DLG2: variants seen among roughly 807,000 people sequenced by gnomAD.
DLG2 encodes disks large homolog 2.
In DLG2, 45 loss-of-function variants were observed where a neutral mutation model predicts 132.5. The ratio of observed to expected loss-of-function variants is 0.34; its 90% CI spans 0.27 to 0.44. DLG2 has a LOEUF of 0.44. DLG2 is among the 20% of genes least tolerant of loss of function. The pLI is 1.00. For missense variants in DLG2, 1,045 were observed against 1,196.9 expected (o/e 0.87, Z 1.87); for synonymous variants, 424 against 419.6 (o/e 1.01, Z -0.13).
At chr11:84,530,281 A>C (rs2099332795) in intron 7 of DLG2, among the ~76,000 whole-genome samples, 1 of 152,182 alleles carries the variant, frequency 6.6e-6, no homozygotes, top group Non-Finnish European at 1.5e-5. Context: ...ACAAAAACAA[A>C]ATTTGACAAA....
chr11:84,058,216 G>A (rs984067923), intron 11 of DLG2, among the ~76,000 whole-genome samples: 2 of 152,214 alleles, frequency 1.3e-5, no homozygotes, highest in South Asian at 2.1e-4. Context: ...TTTACTCAAA[G>A]AGTACAGTGA....
At chr11:84,200,156 G>A (rs2096573216) in intron 8 of DLG2, among the ~76,000 whole-genome samples, 1 of 151,996 alleles carries the variant, frequency 6.6e-6, no homozygotes, top group Admixed American at 6.6e-5. Context: ...TACTCGAAGG[G>A]AAGGAAAAAT....
intron 8 of DLG2, among the ~76,000 whole-genome samples, chr11:84,197,756 C>T (rs2096540933): frequency 6.6e-6 from 1 of 152,118 alleles, no homozygotes; most frequent in Non-Finnish European, 1.5e-5. Flanking sequence ...CAGGTATTCA[C>T]TCAATTAAGT....
intron 3 of DLG2, among the ~76,000 whole-genome samples, chr11:85,434,984 G>A (rs565368556): frequency 1.8e-4 from 27 of 152,124 alleles, no homozygotes; most frequent in African/African-American, 4.8e-4. Flanking sequence ...CAATCAAGTC[G>A]GCTTCATCCC....
intron 6 of DLG2, among the ~76,000 whole-genome samples, chr11:84,703,812 A>C (rs571613203): frequency 5.1e-4 from 74 of 144,866 alleles, no homozygotes; most frequent in African/African-American, 1.9e-3. Context: ...TAATATTTTT[A>C]GTGTCTTCTT....
intron 6 of DLG2, among the ~76,000 whole-genome samples, chr11:84,790,045 A>T (rs1216992309): frequency 6.6e-6 from 1 of 152,220 alleles, no homozygotes; most frequent in Non-Finnish European, 1.5e-5. Context: ...TGCAGTAAAC[A>T]TGGAAGTGCA....
intron 6 of DLG2, among the ~76,000 whole-genome samples, chr11:84,699,981 C>T (rs1046184057): frequency 1.3e-5 from 2 of 151,504 alleles, no homozygotes; most frequent in South Asian, 2.1e-4. Flanking sequence ...ACTATTTATT[C>T]ATCTGTATAA....
At chr11:85,558,103 A>G (rs1457345776) in intron 3 of DLG2, among the ~76,000 whole-genome samples, 1 of 151,892 alleles carries the variant, frequency 6.6e-6, no homozygotes, top group African/African-American at 2.4e-5. Context: ...ACTTAATTCA[A>G]TGAACAAAAA....
chr11:83,662,861 C>A (rs2074660318), intron 18 of DLG2, among the ~76,000 whole-genome samples: 1 of 152,186 alleles, frequency 6.6e-6, no homozygotes, highest in African/African-American at 2.4e-5. Flanking sequence ...GGCACAGGAT[C>A]ACAGGATTTT....
intron 6 of DLG2, among the ~76,000 whole-genome samples, chr11:84,664,989 A>T (rs925473577): frequency 6.6e-6 from 1 of 152,066 alleles, no homozygotes; most frequent in African/African-American, 2.4e-5. Context: ...AAGTAGGAGA[A>T]GTACCATGAG....
chr11:83,668,421 G>A (rs1282548264), intron 18 of DLG2, among the ~76,000 whole-genome samples: 1 of 152,090 alleles, frequency 6.6e-6, no homozygotes, highest in African/African-American at 2.4e-5. Flanking sequence ...TTTTGTATAG[G>A]CTGCTCATTC....
intron 4 of DLG2, 22 bp downstream of exon 4, chr11:85,285,198 T>G: frequency 6.2e-7 from 1 of 1,604,174 alleles, no homozygotes; most frequent in Non-Finnish European, 8.5e-7. Flanking sequence ...ATTCAGTTCT[T>G]TTGGAAGTTT....
intron 17 of DLG2, among the ~76,000 whole-genome samples, chr11:83,816,038 T>G (rs1350641680): frequency 2.0e-5 from 3 of 152,128 alleles, no homozygotes; most frequent in African/African-American, 7.2e-5. Flanking sequence ...CTCTCCTTCT[T>G]TGGGACATTT....
intron 13 of DLG2, 73 bp downstream of exon 13, chr11:83,965,251 C>T: frequency 6.8e-7 from 1 of 1,474,146 alleles, no homozygotes; most frequent in Non-Finnish European, 9.2e-7. Context: ...AAGTAGAACA[C>T]TTTGTCAACA....
At chr11:84,007,925 G>T (rs1360287903) in intron 11 of DLG2, among the ~76,000 whole-genome samples, 1 of 151,672 alleles carries the variant, frequency 6.6e-6, no homozygotes, top group Non-Finnish European at 1.5e-5. Context: ...GTATTGAAAG[G>T]ATATCTATTC....
rs959623298 is a variant in DLG2 at position 83,824,320 on chromosome 11, C to A, written c.1722+9294G>T. Among the ~76,000 whole-genome samples the A allele has an allele frequency of 3.3e-5, 5 of 152,090 alleles. 1 individual carries two copies. Among genetic ancestry groups the A allele is most frequent in the African/African-American group, 1.2e-4 (5 of 41,380 alleles). Reference sequence around the variant, plus strand: ...TGTGGTCCCTGGAACTTACCGTTAGCATTTCCATGTTATATTGGAAATAAT... The same window carrying A: ...TGTGGTCCCTGGAACTTACCGTTAGAATTTCCATGTTATATTGGAAATAAT... On this transcript the variant is annotated intron_variant, in intron 17 of 27. Coordinates refer to ENST00000376104, the MANE Select transcript of DLG2 (RefSeq NM_001142699.3).
intron 3 of DLG2, among the ~76,000 whole-genome samples, chr11:85,522,142 A>G (rs933523691): frequency 2.0e-5 from 3 of 152,158 alleles, no homozygotes; most frequent in Admixed American, 6.5e-5. Flanking sequence ...CTCTTGCTGT[A>G]TACAGTCTCA....
intron 6 of DLG2, among the ~76,000 whole-genome samples, chr11:84,712,732 G>A (rs1361693916): frequency 6.6e-6 from 1 of 152,060 alleles, no homozygotes; most frequent in Non-Finnish European, 1.5e-5. Context: ...TTTGATATGT[G>A]ATCTATCACT....
chr11:84,581,344 A>T (rs1031778176), intron 6 of DLG2, among the ~76,000 whole-genome samples: 6 of 152,142 alleles, frequency 3.9e-5, no homozygotes, highest in African/African-American at 1.4e-4. Context: ...GGAAAATCTT[A>T]TCACTATATA....
Sources: allele counts gnomAD v4.1 joint callset (sites outside exome capture counted in the v4.1 genomes callset), GRCh38; gene constraint gnomAD v4.1.1; transcripts MANE v1.5; gene names NCBI Gene and HGNC (gene_info 2026-07-23, HGNC 2026-07-21).